Variants in KIF11 observed in about 807,000 individuals in gnomAD.
The protein encoded by KIF11 is kinesin family member 11.
A neutral mutation model predicts 121.0 loss-of-function variants in KIF11; 9 were observed. The observed-to-expected ratio is 0.07, with a 90% CI of 0.04 to 0.13. KIF11 has a LOEUF of 0.13. Ranked by LOEUF, KIF11 falls within the 10% of genes least tolerant of loss-of-function variation. The probability of loss-of-function intolerance (pLI) is 1.00; values close to 1 mark genes in which losing one functional copy is unlikely to be tolerated. For synonymous variants in KIF11, 408 were observed against 421.0 expected (o/e 0.97, Z 0.38); for missense variants, 846 against 1,217.5 (o/e 0.69, Z 4.54).
intron 10 of KIF11, among the ~76,000 whole-genome samples, chr10:92,627,466 T>G (rs563804011): frequency 2.0e-4 from 30 of 152,232 alleles, no homozygotes; most frequent in Non-Finnish European, 4.3e-4. Context: ...TTCTAAAAAC[T>G]CTTTTCTGCC....
At chr10:92,607,335 G>T in intron 4 of KIF11, 98 bp downstream of exon 4, 1 of 664,556 alleles carries the variant, frequency 1.5e-6, no homozygotes, top group Non-Finnish European at 2.6e-6. Flanking sequence ...AGAGATCAGA[G>T]TACCTATGTC....
chr10:92,626,861 G>A (rs1452517047), intron 10 of KIF11, among the ~76,000 whole-genome samples: 2 of 152,056 alleles, frequency 1.3e-5, no homozygotes, highest in South Asian at 2.1e-4. Flanking sequence ...CTGGGTTCAC[G>A]CCATTCTCTC....
chr10:92,609,621 T>C (rs1392432074), intron 6 of KIF11, 112 bp downstream of exon 6: 4 of 973,358 alleles, frequency 4.1e-6, no homozygotes, highest in Non-Finnish European at 6.1e-6. Flanking sequence ...TACCTAGAGT[T>C]TGTGTTATAA....
chr10:92,632,364 C>T, intron 12 of KIF11, 122 bp from the exon 13 acceptor site: 1 of 665,996 alleles, frequency 1.5e-6, no homozygotes, highest in South Asian at 1.9e-5. Context: ...GACGGGGTTT[C>T]ACCATGTTGG....
Position 92,647,712 on chromosome 10 carries a change from C to T in KIF11, c.2548-500C>T, listed in dbSNP as rs555635929. Among the ~76,000 whole-genome samples the T allele has an allele frequency of 5.3e-5, 8 of 152,184 alleles. No homozygotes were observed. The South Asian group carries it at 1.0e-3, about 20-fold the overall frequency. On this transcript the variant is annotated intron_variant, in intron 18 of 21. Transcript: ENST00000260731. The stretch of plus-strand genomic sequence containing the variant: ...TTTATGGAGGAGTTGAGTGGCCAGT[C>T]CTGTTGGTAAATGTCTGTACTCCAC...
chr10:92,624,856 G>GC (rs916854778), intron 10 of KIF11, among the ~76,000 whole-genome samples: 2 of 149,552 alleles, frequency 1.3e-5, no homozygotes, highest in Admixed American at 6.8e-5. Context: ...TGCAAACTCT[G>GC]CCCCCCAGGT....
chr10:92,593,796 T>C (rs1292278309), intron 1 of KIF11, among the ~76,000 whole-genome samples: 1 of 152,218 alleles, frequency 6.6e-6, no homozygotes, highest in Non-Finnish European at 1.5e-5. Flanking sequence ...AGCACTTACG[T>C]TGGTATTATT....
intron 16 of KIF11, 61 bp downstream of exon 16, chr10:92,637,606 C>T (rs1459460781): frequency 8.1e-6 from 12 of 1,473,680 alleles, no homozygotes; most frequent in Non-Finnish European, 1.1e-5. Flanking sequence ...TTTGATATGA[C>T]TTGATAATTA....
intron 10 of KIF11, among the ~76,000 whole-genome samples, chr10:92,626,887 G>T (rs886191559): frequency 1.3e-5 from 2 of 150,174 alleles, no homozygotes; most frequent in African/African-American, 4.9e-5. Context: ...AGCCTCCTGA[G>T]TAGCTGGGAC....
chr10:92,631,354 ATT>A (rs1247892671), intron 12 of KIF11, among the ~76,000 whole-genome samples: 13 of 131,936 alleles, frequency 9.9e-5, no homozygotes, highest in Non-Finnish European at 1.3e-4. Flanking sequence ...AAAGTATTTA[ATT>A]TTTTTTTTTT....
chr10:92,609,798 G>A (rs1232280989), intron 6 of KIF11, among the ~76,000 whole-genome samples: 4 of 151,992 alleles, frequency 2.6e-5, no homozygotes, highest in African/African-American at 7.3e-5. Context: ...GTGCAGTGGC[G>A]CGATCTTGAC....
intron 20 of KIF11, 56 bp downstream of exon 20, chr10:92,650,042 G>A (rs1367567058): frequency 2.0e-5 from 28 of 1,385,082 alleles, no homozygotes; most frequent in African/African-American, 2.9e-5. Flanking sequence ...TCTTGATGTG[G>A]CTGACTTCAT....
At chr10:92,633,512 T>C (rs530722793) in intron 13 of KIF11, 111 bp from the exon 14 acceptor site, 8 of 734,738 alleles carry the variant, frequency 1.1e-5, no homozygotes, top group Admixed American at 9.3e-5. Context: ...AAGCTCGTTA[T>C]TACAAATTCT....
chr10:92,650,713 G>A (rs1369841532), intron 21 of KIF11, among the ~76,000 whole-genome samples, 196 bp downstream of exon 21: 1 of 152,070 alleles, frequency 6.6e-6, no homozygotes, highest in Non-Finnish European at 1.5e-5. Flanking sequence ...ATAAATGAAG[G>A]CAGAATTTGA....
intron 8 of KIF11, among the ~76,000 whole-genome samples, chr10:92,614,021 T>TATATACAC (rs1284311727): frequency 6.3e-5 from 8 of 127,058 alleles, no homozygotes; most frequent in African/African-American, 2.3e-4. Context: ...AGTATGTGTA[T>TATATACAC]ACACACACAC....
chr10:92,653,313 C>T (rs1376565227), intron 21 of KIF11, among the ~76,000 whole-genome samples: 1 of 152,102 alleles, frequency 6.6e-6, no homozygotes, highest in Non-Finnish European at 1.5e-5. Flanking sequence ...CAGTAGCACT[C>T]CCTGATTGTA....
At chr10:92,628,951 T>A in intron 11 of KIF11, 56 bp downstream of exon 11, 2 of 955,728 alleles carry the variant, frequency 2.1e-6, no homozygotes, top group Non-Finnish European at 3.2e-6. Flanking sequence ...TGAAAGAAAA[T>A]TTTAGAATGA....
chr10:92,611,024 T>C (rs887441030), intron 6 of KIF11, among the ~76,000 whole-genome samples: 11 of 152,112 alleles, frequency 7.2e-5, no homozygotes, highest in African/African-American at 2.4e-4. Context: ...ATTTCTATTT[T>C]TCCTTTTTTC....
intron 9 of KIF11, among the ~76,000 whole-genome samples, chr10:92,619,133 C>T (rs989348738): frequency 6.6e-6 from 1 of 152,150 alleles, no homozygotes; most frequent in Non-Finnish European, 1.5e-5. Flanking sequence ...TCTCCTTCCT[C>T]ACTCTCCCAA....
Sources: allele counts gnomAD v4.1 joint callset (sites outside exome capture counted in the v4.1 genomes callset), GRCh38; gene constraint gnomAD v4.1.1; transcripts MANE v1.5; gene names NCBI Gene and HGNC (gene_info 2026-07-23, HGNC 2026-07-21).